Variants in GRIP1 observed in about 807,000 individuals in gnomAD.
GRIP1 encodes the protein glutamate receptor-interacting protein 1.
GRIP1 carries 45 observed loss-of-function variants against 129.9 expected under a neutral mutation model. The observed-to-expected ratio is 0.35, with a 90% confidence interval of 0.27 to 0.44. The LOEUF (loss-of-function observed/expected upper bound fraction) is 0.44, where lower values mean the gene tolerates loss of function less well. Among genes scored for constraint, GRIP1 ranks in the 20% least tolerant of loss-of-function variants. The probability of loss-of-function intolerance (pLI) is 1.00; values close to 1 mark genes in which losing one functional copy is unlikely to be tolerated. For synonymous variants in GRIP1, 530 were observed against 520.8 expected (o/e 1.02, Z -0.24); for missense variants, 1,196 against 1,396.8 (o/e 0.86, Z 2.29).
chr12:66,361,516 T>C (rs776113228), intron 23 of GRIP1, among the ~76,000 whole-genome samples: 8 of 152,196 alleles, frequency 5.3e-5, no homozygotes, highest in Non-Finnish European at 7.4e-5. Flanking sequence ...CTGGTTCACA[T>C]AGTAACAAAA....
chr12:66,898,378 G>T (rs897207074), intron 1 of GRIP1, among the ~76,000 whole-genome samples: 1 of 152,004 alleles, frequency 6.6e-6, no homozygotes, highest in Admixed American at 6.6e-5. Context: ...TTGTGTCCTC[G>T]ATGGGGAGAG....
chr12:66,398,355 C>T (rs577926088), intron 16 of GRIP1, among the ~76,000 whole-genome samples: 3 of 151,956 alleles, frequency 2.0e-5, no homozygotes, highest in Non-Finnish European at 4.4e-5. Flanking sequence ...GAGGGTCACG[C>T]CATTCTCCCC....
At chr12:66,809,408 G>A (rs927832406) in intron 1 of GRIP1, among the ~76,000 whole-genome samples, 1 of 152,058 alleles carries the variant, frequency 6.6e-6, no homozygotes, top group African/African-American at 2.4e-5. Context: ...AATTAATCTG[G>A]CCCTTTTAGA....
intron 1 of GRIP1, among the ~76,000 whole-genome samples, chr12:67,021,048 T>C: frequency 6.6e-6 from 1 of 152,066 alleles, no homozygotes; most frequent in Non-Finnish European, 1.5e-5. Context: ...CAGTGAGCTA[T>C]GATTGTACCA....
rs550440116 is a variant in GRIP1, at chr12:66,691,061, A to G, written c.-419-60725T>C. 2.0e-5 allele frequency among the ~76,000 whole-genome samples: 3 copies of G among 152,270 alleles called. No individual in the cohort carries two copies. The East Asian group carries it at 5.8e-4, about 29-fold the overall frequency. On this transcript the variant is annotated intron_variant, in intron 1 of 4. Transcript: ENST00000538373. ...GCTAGCCAGCTATGCTATTTGCTCA[A>G]CCCAAGAAATACAAGAATTAGTCAA...
At chr12:66,630,327 G>A (rs1020478972) in intron 1 of GRIP1, 9 of 151,666 alleles carry the variant, frequency 5.9e-5, no homozygotes, top group African/African-American at 1.9e-4. Flanking sequence ...CCGGGCAACA[G>A]AGCGAGACTC....
At chr12:66,680,236 T>C (rs1359414982), upstream of GRIP1, among the ~76,000 whole-genome samples, 4 of 152,348 alleles carry the variant, frequency 2.6e-5, no homozygotes, top group South Asian at 2.1e-4. Flanking sequence ...ACTTTCAAGC[T>C]GGTTTTTAAA....
At chr12:66,721,087 T>C (rs552385028) in intron 1 of GRIP1, among the ~76,000 whole-genome samples, 35 of 152,300 alleles carry the variant, frequency 2.3e-4, no homozygotes, top group Admixed American at 1.8e-3. Context: ...AGAATGGATG[T>C]TGTGTTAGCA....
In GRIP1 at chr12:66,916,577, T is replaced by C. The variant is rs187832486; in HGVS notation, c.58+152473A>G. Among the ~76,000 whole-genome samples the C allele has an allele frequency of 2.6e-5, 4 of 152,236 alleles. No homozygotes were observed. The East Asian group carries it at 7.7e-4, about 29-fold the overall frequency. On this transcript the variant is annotated intron_variant, in intron 1 of 1. Coordinates refer to the GRIP1 transcript ENST00000643019. ...AATAAAACCTCCAAATAAAAAATATTAGAAGTATTATTTTTTTAAATGCAA... is the reference window on the plus strand; with the variant it reads ...AATAAAACCTCCAAATAAAAAATATCAGAAGTATTATTTTTTTAAATGCAA...
chr12:66,534,293 T>C (rs972694115), intron 4 of GRIP1, among the ~76,000 whole-genome samples: 2 of 152,214 alleles, frequency 1.3e-5, no homozygotes, highest in South Asian at 2.1e-4. Flanking sequence ...CAAGTCACGA[T>C]AGGTTTTAAC....
chr12:66,367,104 T>C (rs577636309), intron 23 of GRIP1, among the ~76,000 whole-genome samples: 2 of 152,248 alleles, frequency 1.3e-5, no homozygotes, highest in African/African-American at 4.8e-5. Flanking sequence ...AGAAACAGAT[T>C]AAGTGGACAC....
At chr12:66,351,555 GGTTTTT>G (rs149206574) in intron 24 of GRIP1, among the ~76,000 whole-genome samples, 61,740 of 143,618 alleles carry the variant, frequency 0.43, 13,346 homozygotes, top group East Asian at 0.52. Context: ...ACAGGAAGGT[GGTTTTT>G]TTTTTTTTTT....
intron 1 of GRIP1, chr12:67,035,769 A>T (rs1276850356): frequency 1.3e-5 from 2 of 152,192 alleles, no homozygotes; most frequent in Non-Finnish European, 2.9e-5. Context: ...TATCTAAAAT[A>T]GCCTCTCCTC....
chr12:66,582,868 G>A (rs1260109187), intron 2 of GRIP1, among the ~76,000 whole-genome samples: 1 of 146,500 alleles, frequency 6.8e-6, no homozygotes, highest in African/African-American at 2.5e-5. Context: ...TCCCCATCAA[G>A]CTACCAATGA....
At chr12:66,549,808 T>C (rs112905954) in intron 2 of GRIP1, among the ~76,000 whole-genome samples, 3 of 152,314 alleles carry the variant, frequency 2.0e-5, no homozygotes, top group African/African-American at 7.2e-5. Context: ...CAAATATTCA[T>C]GTGAAACAAA....
intron 1 of GRIP1, among the ~76,000 whole-genome samples, chr12:66,675,356 G>T (rs1340151494): frequency 6.6e-6 from 1 of 152,118 alleles, no homozygotes; most frequent in East Asian, 1.9e-4. Flanking sequence ...AGATCTCGGA[G>T]CTCAAAATGG....
chr12:66,901,423 G>C (rs553134433), intron 1 of GRIP1, among the ~76,000 whole-genome samples: 23 of 152,308 alleles, frequency 1.5e-4, no homozygotes, highest in African/African-American at 5.3e-4. Flanking sequence ...GGAAAGGGAG[G>C]CCCTCCATAT....
At chr12:66,858,254 AAAC>A (rs1214215507) in intron 1 of GRIP1, among the ~76,000 whole-genome samples, 21 of 151,926 alleles carry the variant, frequency 1.4e-4, no homozygotes, top group African/African-American at 4.8e-4. Context: ...CTCTTTACTA[AAAC>A]AACGCTATAA....
chr12:66,429,566 C>T (rs183050581), intron 14 of GRIP1, among the ~76,000 whole-genome samples: 37 of 152,198 alleles, frequency 2.4e-4, no homozygotes, highest in African/African-American at 8.9e-4. Flanking sequence ...CATGGTGGCT[C>T]ATGCCTGTAG....
Sources: allele counts gnomAD v4.1 joint callset (sites outside exome capture counted in the v4.1 genomes callset), GRCh38; gene constraint gnomAD v4.1.1; transcripts MANE v1.5; gene names NCBI Gene and HGNC (gene_info 2026-07-23, HGNC 2026-07-21).